Variants in FHIP1A observed in about 807,000 individuals in gnomAD.
FHIP1A encodes FHF complex subunit HOOK-interacting protein 1A.
Under a neutral mutation model 88.6 loss-of-function variants are expected in FHIP1A, and 61 were observed. That is an observed-to-expected ratio of 0.69 (90% CI 0.56 to 0.85). The LOEUF is 0.85. FHIP1A is among the 40% of genes least tolerant of loss of function. FHIP1A has a pLI of 0.00. For missense variants in FHIP1A, 1,154 were observed against 1,273.5 expected (o/e 0.91, Z 1.43); for synonymous variants, 478 against 496.0 (o/e 0.96, Z 0.48).
At chr4:151,413,236 T>C (rs1334237768) in intron 1 of FHIP1A, among the ~76,000 whole-genome samples, 2 of 152,106 alleles carry the variant, frequency 1.3e-5, no homozygotes, top group Admixed American at 6.6e-5. Flanking sequence ...ATTTTGGCAA[T>C]GTCTAAAATT....
At chr4:151,486,707 CTG>C (rs1730093073) in intron 3 of FHIP1A, among the ~76,000 whole-genome samples, 2 of 152,224 alleles carry the variant, frequency 1.3e-5, no homozygotes, top group Admixed American at 1.3e-4. Flanking sequence ...TGGCTCATGT[CTG>C]TAATCCCAGC....
chr4:151,480,926 C>T (rs1729874213), intron 2 of FHIP1A, among the ~76,000 whole-genome samples: 1 of 151,876 alleles, frequency 6.6e-6, no homozygotes, highest in Non-Finnish European at 1.5e-5. Flanking sequence ...AACACACATA[C>T]ACAACACCTT....
intron 9 of FHIP1A, among the ~76,000 whole-genome samples, chr4:151,640,912 C>T (rs989141718): frequency 1.3e-5 from 2 of 152,068 alleles, no homozygotes; most frequent in Non-Finnish European, 2.9e-5. Flanking sequence ...CAGACTTGCC[C>T]CTTATAAAGA....
At chr4:151,623,453 C>A (rs1159762089) in intron 7 of FHIP1A, among the ~76,000 whole-genome samples, 1 of 151,514 alleles carries the variant, frequency 6.6e-6, no homozygotes. Context: ...CCCCTCCACC[C>A]CCGAAAATAT....
chr4:151,636,676 A>G (rs1246378115), intron 8 of FHIP1A, among the ~76,000 whole-genome samples: 1 of 152,098 alleles, frequency 6.6e-6, no homozygotes, highest in Non-Finnish European at 1.5e-5. Context: ...GTTTAAATTA[A>G]AGAAGACCTA....
At chr4:151,553,531 A>T (rs965201577) in intron 3 of FHIP1A, among the ~76,000 whole-genome samples, 3 of 152,206 alleles carry the variant, frequency 2.0e-5, no homozygotes, top group Non-Finnish European at 4.4e-5. Context: ...AACTCGTAGG[A>T]TAATCAGTTT....
At chr4:151,523,503 T>A (rs544925207) in intron 3 of FHIP1A, among the ~76,000 whole-genome samples, 2 of 151,726 alleles carry the variant, frequency 1.3e-5, no homozygotes, top group South Asian at 2.1e-4. Flanking sequence ...TCTTTTGTTC[T>A]CTGTTTTTTT....
intron 3 of FHIP1A, among the ~76,000 whole-genome samples, chr4:151,513,011 A>G (rs1432575451): frequency 6.6e-6 from 1 of 152,204 alleles, no homozygotes; most frequent in Middle Eastern, 3.2e-3. Flanking sequence ...CAGATTCACC[A>G]AAGTTGAAAT....
chr4:151,576,899 G>C (rs1578772974), intron 4 of FHIP1A: 1 of 152,600 alleles, frequency 6.6e-6, no homozygotes, highest in East Asian at 1.9e-4. Context: ...ATTTGTAGGA[G>C]AACATGGGTA....
At chr4:151,452,101 G>C (rs114464633) in intron 1 of FHIP1A, among the ~76,000 whole-genome samples, 2 of 152,146 alleles carry the variant, frequency 1.3e-5, no homozygotes, top group East Asian at 3.8e-4. Context: ...AATTACAGGC[G>C]TGAGCCACCA....
chr4:151,593,480 TC>T (rs1422688949), intron 7 of FHIP1A, among the ~76,000 whole-genome samples: 1 of 152,212 alleles, frequency 6.6e-6, no homozygotes, highest in East Asian at 1.9e-4. Context: ...GTCCTTCACA[TC>T]CCTTGTAACT....
At chr4:151,422,743 C>G (rs1428304189) in intron 1 of FHIP1A, among the ~76,000 whole-genome samples, 1 of 151,992 alleles carries the variant, frequency 6.6e-6, no homozygotes, top group African/African-American at 2.4e-5. Flanking sequence ...ACTGGTTGCC[C>G]CAAAGTTAAT....
chr4:151,440,616 A>G (rs1728372848), intron 1 of FHIP1A, among the ~76,000 whole-genome samples: 2 of 152,144 alleles, frequency 1.3e-5, no homozygotes, highest in Admixed American at 1.3e-4. Flanking sequence ...GATTTAGGAT[A>G]GTCACCACCA....
rs547697335 is a variant in FHIP1A, at chr4:151,656,174, C to T, written c.2552-58C>T. On this transcript the variant is annotated intron_variant, in intron 11 of 13. Coordinates refer to ENST00000435205, the MANE Select transcript of FHIP1A (RefSeq NM_001109977.3). This position sits in a 1 kb window ranked among gnomAD's most constrained non-coding sequence, Gnocchi z 4.2. Reference sequence around the variant, plus strand: ...GTGGCACCGATGGTTCTGCAATTGTCAGGGAAAGGCATCCCTGTGAGCCCA... The same window carrying T: ...GTGGCACCGATGGTTCTGCAATTGTTAGGGAAAGGCATCCCTGTGAGCCCA... 69 of 1,399,628 alleles carry T rather than the reference C, an allele frequency of 4.9e-5. 1 individual carries two copies. The East Asian group carries it at 1.7e-3, about 35-fold the overall frequency. 86.7% of individuals were successfully genotyped at this position (1,399,628 alleles called of 1,614,324 possible).
chr4:151,555,100 A>G (rs572002326), intron 3 of FHIP1A, among the ~76,000 whole-genome samples: 86 of 152,142 alleles, frequency 5.7e-4, no homozygotes, highest in Non-Finnish European at 9.0e-4. Context: ...GGCTCTGTTC[A>G]GGCAGTTACT....
intron 3 of FHIP1A, among the ~76,000 whole-genome samples, chr4:151,523,116 A>G (rs1164584666): frequency 6.6e-6 from 1 of 152,184 alleles, no homozygotes; most frequent in Non-Finnish European, 1.5e-5. Flanking sequence ...GGGGGCTGTC[A>G]TTTGGACCAC....
chr4:151,629,683 A>C lies in FHIP1A; in HGVS notation c.979-19A>C. On this transcript the variant is annotated intron_variant, in intron 7 of 13. Transcript: ENST00000435205. ...ATCAAAAGGATGCTCACCTGTGCTC[A>C]CTCCGTTGTTTGTCCTAGGTGACTG... 6.5e-7 allele frequency: 1 copy of C among 1,549,354 alleles called. No homozygotes were observed. The highest frequency in any genetic ancestry group is 8.7e-7 in the Non-Finnish European group (1 of 1,145,846).
intron 3 of FHIP1A, among the ~76,000 whole-genome samples, chr4:151,512,876 G>T (rs11099820): frequency 0.52 from 78,988 of 152,020 alleles, 20,818 homozygotes; most frequent in African/African-American, 0.55. Flanking sequence ...GGAAAACACT[G>T]TGCAGGATAT....
intron 3 of FHIP1A, among the ~76,000 whole-genome samples, chr4:151,507,883 T>C (rs1236023024): frequency 6.6e-6 from 1 of 152,198 alleles, no homozygotes; most frequent in Non-Finnish European, 1.5e-5. Flanking sequence ...TGTTATATAT[T>C]ATTTAAACAG....
Sources: allele counts gnomAD v4.1 joint callset (sites outside exome capture counted in the v4.1 genomes callset), GRCh38; gene constraint gnomAD v4.1.1; non-coding constraint Gnocchi (gnomAD v3.1); transcripts MANE v1.5; gene names NCBI Gene and HGNC (gene_info 2026-07-23, HGNC 2026-07-21).